Variants in MSANTD5 observed in about 807,000 individuals in gnomAD.
MSANTD5 encodes Myb/SANT DNA binding domain containing 5, also known as uncharacterized protein MSANTD5.
chr5:178,703,948 T>G, the MSANTD5 span, among the ~76,000 whole-genome samples: 1,075 of 143,162 alleles, frequency 7.5e-3, 6 homozygotes, highest in African/African-American at 0.026. Context: ...GCCACTGCAC[T>G]CCAGCCTGGG....
At chr5:178,701,131 G>A (rs1279002625), upstream of MSANTD5, among the ~76,000 whole-genome samples, 6 of 152,014 alleles carry the variant, frequency 3.9e-5, no homozygotes, top group South Asian at 2.1e-4. Context: ...CCGCCACCAC[G>A]CCCGGCTAAT....
upstream of MSANTD5, among the ~76,000 whole-genome samples, chr5:178,702,232 T>A (rs1765494225): frequency 6.6e-6 from 1 of 151,880 alleles, no homozygotes; most frequent in Admixed American, 6.6e-5. Flanking sequence ...CAATGAAGTA[T>A]TATGCAACAA....
the MSANTD5 span, among the ~76,000 whole-genome samples, chr5:178,703,148 C>T: frequency 6.6e-6 from 1 of 152,254 alleles, no homozygotes; most frequent in Non-Finnish European, 1.5e-5. Context: ...GAGGCCAGGC[C>T]AGGTCCTCAG....
upstream of MSANTD5, among the ~76,000 whole-genome samples, chr5:178,699,178 C>G (rs557581089): frequency 1.3e-5 from 2 of 152,234 alleles, no homozygotes; most frequent in African/African-American, 4.8e-5. Context: ...CAGGCTCGAG[C>G]CCTCTGTCTT....
At chr5:178,704,952 C>T in the MSANTD5 span, among the ~76,000 whole-genome samples, 9 of 152,194 alleles carry the variant, frequency 5.9e-5, no homozygotes, top group South Asian at 8.3e-4. Flanking sequence ...CTGTGCCGGA[C>T]GGGAGCACAA....
upstream of MSANTD5, among the ~76,000 whole-genome samples, chr5:178,700,487 C>A (rs560136104): frequency 6.6e-6 from 1 of 152,174 alleles, no homozygotes; most frequent in Non-Finnish European, 1.5e-5. Flanking sequence ...AGGAGTATCA[C>A]GGGCTTTGCC....
At chr5:178,701,628 C>T (rs1436665757), upstream of MSANTD5, among the ~76,000 whole-genome samples, 2 of 149,430 alleles carry the variant, frequency 1.3e-5, no homozygotes, top group Admixed American at 1.3e-4. Context: ...GACAAGATTG[C>T]GCCACTGCAC....
upstream of MSANTD5, among the ~76,000 whole-genome samples, chr5:178,702,403 C>T (rs561640934): frequency 1.0e-3 from 157 of 149,644 alleles, 1 homozygote; most frequent in African/African-American, 2.9e-3. Context: ...TGGGTTCAGG[C>T]GATTCTTCGG....
upstream of MSANTD5, among the ~76,000 whole-genome samples, chr5:178,701,989 T>C (rs1765489519): frequency 6.6e-6 from 1 of 150,584 alleles, no homozygotes; most frequent in African/African-American, 2.4e-5. Context: ...CGCCTCGGCC[T>C]CCCAAAGTCC....
At chr5:178,697,714 AC>A (rs1342588427), upstream of MSANTD5, 1 of 152,120 alleles carries the variant, frequency 6.6e-6, no homozygotes, top group Admixed American at 6.6e-5. Context: ...GTCAGGAGGA[AC>A]CCGAGTGTGG....
At chr5:178,693,956 A>T (rs1765383089), downstream of MSANTD5, among the ~76,000 whole-genome samples, 1 of 152,142 alleles carries the variant, frequency 6.6e-6, no homozygotes, top group South Asian at 2.1e-4. Context: ...TTTATCCAAA[A>T]ACTATCTCCT....
chr5:178,701,550 T>C (rs1765483299), upstream of MSANTD5, among the ~76,000 whole-genome samples: 1 of 151,108 alleles, frequency 6.6e-6, no homozygotes, highest in Non-Finnish European at 1.5e-5. Context: ...TGCATGCAGG[T>C]AATCCCGGCT....
the MSANTD5 span, chr5:178,706,873 T>C: frequency 4.6e-5 from 7 of 152,156 alleles, no homozygotes; most frequent in Non-Finnish European, 8.8e-5. Context: ...GTTATGACTA[T>C]GGACCCAGAA....
At chr5:178,692,869 A>T (rs1044718254), downstream of MSANTD5, among the ~76,000 whole-genome samples, 17 of 152,058 alleles carry the variant, frequency 1.1e-4, no homozygotes, top group African/African-American at 4.1e-4. Context: ...CGATGTCAAT[A>T]TCCTGGTTAT....
At chr5:178,701,902 T>C (rs1487478702), upstream of MSANTD5, among the ~76,000 whole-genome samples, 1 of 150,822 alleles carries the variant, frequency 6.6e-6, no homozygotes, top group African/African-American at 2.4e-5. Context: ...CCCGGCTAAT[T>C]TTGTATTTTT....
chr5:178,706,111 C>T, the MSANTD5 span, among the ~76,000 whole-genome samples: 5 of 152,102 alleles, frequency 3.3e-5, no homozygotes, highest in Non-Finnish European at 7.4e-5. Context: ...TTGTGAAATG[C>T]TTTTTCCGCC....
At chr5:178,697,121 A>G (rs562971588) in intron 1 of MSANTD5, among the ~76,000 whole-genome samples, 2 of 152,312 alleles carry the variant, frequency 1.3e-5, no homozygotes, top group South Asian at 2.1e-4. Context: ...CAAAGCATCA[A>G]TCTAATTCCA....
At chr5:178,697,641 T>C (rs1765433562) in exon 1 of MSANTD5, 1 of 151,994 alleles carries the variant, frequency 6.6e-6, no homozygotes, top group Non-Finnish European at 1.5e-5. Context: ...GCCTGCAGGG[T>C]CTGGTCAGTT....
At chr5:178,700,091 C>T (rs1276286335), upstream of MSANTD5, among the ~76,000 whole-genome samples, 2 of 152,154 alleles carry the variant, frequency 1.3e-5, no homozygotes, top group African/African-American at 4.8e-5. Flanking sequence ...CGTTGCTCTG[C>T]TCCCATCACC....
Sources: gnomAD v4.1 joint callset for allele counts (sites outside exome capture counted in the v4.1 genomes callset) on GRCh38, gnomAD v4.1.1 for gene constraint, MANE v1.5 for transcripts, NCBI Gene and HGNC (gene_info 2026-07-23, HGNC 2026-07-21) for gene names.